ADAMTS19: variants seen among roughly 807,000 people sequenced by gnomAD.
The protein encoded by ADAMTS19 is A disintegrin and metalloproteinase with thrombospondin motifs 19.
A neutral mutation model predicts 153.3 loss-of-function variants in ADAMTS19; 93 were observed. The ratio of observed to expected loss-of-function variants is 0.61; its 90% CI spans 0.51 to 0.72. The LOEUF is 0.72. Among genes scored for constraint, ADAMTS19 ranks in the 30% least tolerant of loss-of-function variants. The pLI, the probability that ADAMTS19 is intolerant of heterozygous loss-of-function variation, is 0.00. For missense variants in ADAMTS19, 1,482 were observed against 1,552.1 expected (o/e 0.95, Z 0.76); for synonymous variants, 600 against 556.6 (o/e 1.08, Z -1.10).
intron 6 of ADAMTS19, among the ~76,000 whole-genome samples, chr5:129,546,762 G>C (rs1007903661): frequency 4.0e-5 from 6 of 151,262 alleles, no homozygotes; most frequent in African/African-American, 1.5e-4. Flanking sequence ...AAAAAGAATA[G>C]TGAGATGTCT....
intron 7 of ADAMTS19, 55 bp from the exon 8 acceptor site, chr5:129,596,504 A>G: frequency 1.7e-6 from 2 of 1,196,292 alleles, no homozygotes. Context: ...AATAACTAGT[A>G]TAAATATTTG....
intron 7 of ADAMTS19, among the ~76,000 whole-genome samples, chr5:129,561,853 T>C (rs1753535799): frequency 6.6e-6 from 1 of 151,622 alleles, no homozygotes; most frequent in Admixed American, 6.6e-5. Flanking sequence ...TCTATCTATC[T>C]ATCTATCTAT....
At chr5:129,700,782 A>C (rs1045623450) in intron 19 of ADAMTS19, among the ~76,000 whole-genome samples, 5 of 150,950 alleles carry the variant, frequency 3.3e-5, no homozygotes, top group Non-Finnish European at 5.9e-5. Context: ...TTATAATATG[A>C]CATGGAAAAA....
chr5:129,613,088 G>A (rs1215503925), intron 8 of ADAMTS19, among the ~76,000 whole-genome samples: 1 of 151,960 alleles, frequency 6.6e-6, no homozygotes, highest in Non-Finnish European at 1.5e-5. Context: ...AATAATAATG[G>A]GAGACTTTAA....
intron 10 of ADAMTS19, 120 bp downstream of exon 10, chr5:129,622,468 G>A: frequency 9.0e-7 from 1 of 1,113,600 alleles, no homozygotes; most frequent in Non-Finnish European, 1.2e-6. Flanking sequence ...ATAAAAGAAG[G>A]ATTTTCTAAG....
chr5:129,623,341 C>T (rs1415952249), intron 10 of ADAMTS19, among the ~76,000 whole-genome samples: 1 of 152,018 alleles, frequency 6.6e-6, no homozygotes, highest in Non-Finnish European at 1.5e-5. Flanking sequence ...GCTGCCCATC[C>T]CCTATCTGCC....
At chr5:129,541,172 A>T (rs1752641299) in intron 6 of ADAMTS19, among the ~76,000 whole-genome samples, 2 of 144,296 alleles carry the variant, frequency 1.4e-5, no homozygotes, top group Non-Finnish European at 3.1e-5. Context: ...AAATAACTAG[A>T]TTTTTTTTTT....
chr5:129,476,002 A>T (rs1329420556), intron 2 of ADAMTS19, among the ~76,000 whole-genome samples: 1 of 152,208 alleles, frequency 6.6e-6, no homozygotes, highest in Non-Finnish European at 1.5e-5. Context: ...ATTTTATCTT[A>T]AACAATGCAA....
chr5:129,537,320 T>C (rs948457552), intron 6 of ADAMTS19, among the ~76,000 whole-genome samples: 2 of 152,168 alleles, frequency 1.3e-5, no homozygotes, highest in Non-Finnish European at 1.5e-5. Context: ...ATGTTTACAT[T>C]GTTGGTGGGA....
At chr5:129,541,751 C>T (rs911192535) in intron 6 of ADAMTS19, among the ~76,000 whole-genome samples, 8 of 151,954 alleles carry the variant, frequency 5.3e-5, no homozygotes, top group East Asian at 3.9e-4. Context: ...ATATTAGAGA[C>T]GCTTAATGTA....
chr5:129,670,156 C>G (rs1308072155), intron 16 of ADAMTS19, among the ~76,000 whole-genome samples: 1 of 152,172 alleles, frequency 6.6e-6, no homozygotes, highest in African/African-American at 2.4e-5. Flanking sequence ...AACCAAGCCA[C>G]TCTGTATTAC....
intron 21 of ADAMTS19, among the ~76,000 whole-genome samples, chr5:129,720,181 T>A (rs1195376615): frequency 1.2e-4 from 18 of 149,476 alleles, no homozygotes; most frequent in African/African-American, 2.2e-4. Flanking sequence ...TTTATTTTTT[T>A]TTTTTTTGGA....
chr5:129,545,642 T>C (rs1581066253), intron 6 of ADAMTS19, among the ~76,000 whole-genome samples: 1 of 151,702 alleles, frequency 6.6e-6, no homozygotes, highest in East Asian at 1.9e-4. Context: ...AAAATGCTCA[T>C]CATCACTGGC....
At chr5:129,712,972 T>C (rs1367192683) in intron 21 of ADAMTS19, among the ~76,000 whole-genome samples, 1 of 152,228 alleles carries the variant, frequency 6.6e-6, no homozygotes, top group Non-Finnish European at 1.5e-5. Flanking sequence ...GGTTTAATAA[T>C]ATTTCCTTCT....
chr5:129,613,242 GCAC>G (rs1243297652), intron 8 of ADAMTS19, among the ~76,000 whole-genome samples: 3 of 152,120 alleles, frequency 2.0e-5, no homozygotes, highest in Non-Finnish European at 4.4e-5. Flanking sequence ...ATTCTTCTCA[GCAC>G]CACATCACAC....
chr5:129,604,868 C>A (rs1230956596), intron 8 of ADAMTS19, among the ~76,000 whole-genome samples: 2 of 152,092 alleles, frequency 1.3e-5, no homozygotes, highest in Admixed American at 6.6e-5. Context: ...GAAATGACTA[C>A]CCCAGCCCTA....
At chr5:129,605,877 T>G (rs1400300582) in intron 8 of ADAMTS19, among the ~76,000 whole-genome samples, 1 of 152,178 alleles carries the variant, frequency 6.6e-6, no homozygotes. Flanking sequence ...TTGGGTAAAA[T>G]TATATGAGTT....
intron 8 of ADAMTS19, among the ~76,000 whole-genome samples, chr5:129,619,220 T>C (rs1038921313): frequency 9.2e-5 from 14 of 152,146 alleles, no homozygotes; most frequent in Middle Eastern, 6.8e-3. Flanking sequence ...ACGCCCAATG[T>C]GGAATGGTTA....
chr5:129,730,056 A>G lies in ADAMTS19; in HGVS notation c.3313-4876A>G, dbSNP rs188998459. Among the ~76,000 whole-genome samples, 3 of 152,250 alleles carry G rather than the reference A, an allele frequency of 2.0e-5. No individual in the cohort carries two copies. The East Asian group carries it at 5.8e-4, about 29-fold the overall frequency. On this transcript the variant is annotated intron_variant, in intron 21 of 22. Coordinates refer to ENST00000274487, the MANE Select transcript of ADAMTS19 (RefSeq NM_133638.6). The stretch of plus-strand genomic sequence containing the variant: ...CTAGAACAGTATTTTGTTCTATGTA[A>G]TATTAATCCCTTAAAAGTTTTAGTT...
Sources: allele counts gnomAD v4.1 joint callset (sites outside exome capture counted in the v4.1 genomes callset), GRCh38; gene constraint gnomAD v4.1.1; transcripts MANE v1.5; gene names NCBI Gene and HGNC (gene_info 2026-07-23, HGNC 2026-07-21).